The following THSD7A variants were observed in gnomAD, a reference collection of about 807,000 sequenced individuals.
The protein encoded by THSD7A is thrombospondin type-1 domain-containing protein 7A.
Under a neutral mutation model 231.3 loss-of-function variants are expected in THSD7A, and 96 were observed. The observed-to-expected ratio is 0.41, with a 90% confidence interval of 0.35 to 0.49. The LOEUF is 0.49. Ranked by LOEUF, THSD7A falls within the 20% of genes least tolerant of loss-of-function variation. The pLI is 0.05. For synonymous variants in THSD7A, 940 were observed against 743.3 expected (o/e 1.26, Z -4.30); for missense variants, 2,290 against 2,070.2 (o/e 1.11, Z -2.06).
At chr7:11,510,667 C>T (rs1018607383) in intron 6 of THSD7A, among the ~76,000 whole-genome samples, 1 of 152,156 alleles carries the variant, frequency 6.6e-6, no homozygotes, top group African/African-American at 2.4e-5. Context: ...GAACTAAAGA[C>T]AAAAACCACA....
intron 1 of THSD7A, among the ~76,000 whole-genome samples, chr7:11,790,884 AT>A (rs1783932022): frequency 6.6e-6 from 1 of 151,904 alleles, no homozygotes; most frequent in African/African-American, 2.4e-5. Flanking sequence ...TAAAATAAAC[AT>A]TTTTTCACTT....
intron 1 of THSD7A, among the ~76,000 whole-genome samples, chr7:11,768,146 G>C (rs971596161): frequency 9.2e-5 from 14 of 152,078 alleles, no homozygotes; most frequent in Non-Finnish European, 1.3e-4. Context: ...TACTTGGCAG[G>C]ACTATTCAGT....
At chr7:11,576,547 T>C (rs897158395) in intron 4 of THSD7A, among the ~76,000 whole-genome samples, 3 of 152,180 alleles carry the variant, frequency 2.0e-5, no homozygotes, top group Non-Finnish European at 2.9e-5. Flanking sequence ...TAATGTCAAG[T>C]GTGGGATAGA....
At position 11,411,197 on chromosome 7, in the gene THSD7A, A is replaced by G. The variant is rs189992909; in HGVS notation, c.3798+10T>C. 584 of 1,598,994 alleles carry G rather than the reference A, an allele frequency of 3.7e-4. No homozygotes were observed. The highest frequency in any genetic ancestry group is 7.2e-4 in the Admixed American group (43 of 59,768). ...TTTACTCGCGAAGATATAACACAGC[A>G]TCCACCTACCGCTTCACAATATTTC... On this transcript the variant is annotated intron_variant, in intron 19 of 27. Coordinates refer to ENST00000423059, the MANE Select transcript of THSD7A (RefSeq NM_015204.3). This position sits in a 1 kb window ranked among gnomAD's most constrained non-coding sequence, Gnocchi z 4.1.
rs17164831 is a variant in THSD7A, at chr7:11,584,375, C to A, written c.1453+6085G>T. Among the ~76,000 whole-genome samples, 703 of 152,096 alleles carry A rather than the reference C, an allele frequency of 4.6e-3. 6 individuals are homozygous for A. The highest frequency in any genetic ancestry group is 0.016 in the African/African-American group (668 of 41,506). On this transcript the variant is annotated intron_variant, in intron 4 of 27. Transcript: ENST00000423059. Reference sequence around the variant, plus strand: ...AATATGTATTTTTACTTCATAATTACTCTTAAATTTTTAACATGCATAATG... The same window carrying A: ...AATATGTATTTTTACTTCATAATTAATCTTAAATTTTTAACATGCATAATG...
intron 2 of THSD7A, among the ~76,000 whole-genome samples, chr7:11,614,088 T>C (rs1252497166): frequency 2.0e-5 from 3 of 152,090 alleles, no homozygotes; most frequent in Admixed American, 1.3e-4. Flanking sequence ...ATTAGTGAAG[T>C]TGGGATGTTT....
intron 7 of THSD7A, among the ~76,000 whole-genome samples, chr7:11,480,016 T>G (rs1786356919): frequency 6.6e-6 from 1 of 152,204 alleles, no homozygotes; most frequent in Non-Finnish European, 1.5e-5. Context: ...CATATATTGA[T>G]ACATCACACT....
chr7:11,441,709 C>T (rs1458115485), intron 13 of THSD7A, among the ~76,000 whole-genome samples: 1 of 151,976 alleles, frequency 6.6e-6, no homozygotes, highest in Admixed American at 6.6e-5. Context: ...AAGCATCATC[C>T]TCAGCAAACT....
chr7:11,536,566 A>G lies in THSD7A; in HGVS notation c.1822+4853T>C, dbSNP rs528378321. Among the ~76,000 whole-genome samples, 42 of 152,284 alleles carry G rather than the reference A, an allele frequency of 2.8e-4. No homozygotes were observed. The South Asian group carries it at 8.5e-3, about 31-fold the overall frequency. The stretch of plus-strand genomic sequence containing the variant: ...TTGCATACTATTGTTTTAATAAGTC[A>G]TGGTTATAGGTACAACTGTATGGTG... On this transcript the variant is annotated intron_variant, in intron 6 of 27. Coordinates refer to ENST00000423059, the MANE Select transcript of THSD7A (RefSeq NM_015204.3).
intron 1 of THSD7A, among the ~76,000 whole-genome samples, chr7:11,733,155 G>T: frequency 6.6e-6 from 1 of 151,850 alleles, no homozygotes; most frequent in East Asian, 2.0e-4. Context: ...GTCCTGTCCT[G>T]TAATAAAAAT....
chr7:11,557,984 G>A (rs1789919735), intron 4 of THSD7A, among the ~76,000 whole-genome samples: 1 of 152,106 alleles, frequency 6.6e-6, no homozygotes, highest in Non-Finnish European at 1.5e-5. Flanking sequence ...GGGTAGAGTG[G>A]TTATTGTCTA....
intron 13 of THSD7A, among the ~76,000 whole-genome samples, chr7:11,443,428 C>T (rs1261202603): frequency 6.6e-6 from 1 of 151,942 alleles, no homozygotes; most frequent in East Asian, 1.9e-4. Flanking sequence ...TATTCAATTA[C>T]TCTTTGAGAT....
chr7:11,695,693 G>T (rs889580745), intron 1 of THSD7A, among the ~76,000 whole-genome samples: 4 of 151,658 alleles, frequency 2.6e-5, no homozygotes, highest in Non-Finnish European at 5.9e-5. Flanking sequence ...TTGGTCCAAA[G>T]ATAGTAGGTT....
At chr7:11,454,892 G>C (rs1303314306) in intron 11 of THSD7A, among the ~76,000 whole-genome samples, 1 of 151,916 alleles carries the variant, frequency 6.6e-6, no homozygotes, top group African/African-American at 2.4e-5. Flanking sequence ...CAAACATATA[G>C]CTCTGTACAC....
chr7:11,574,237 C>T (rs913165327), intron 4 of THSD7A, among the ~76,000 whole-genome samples: 7 of 132,950 alleles, frequency 5.3e-5, no homozygotes, highest in African/African-American at 8.5e-5. Flanking sequence ...TTGATATTTT[C>T]TTATTTATTT....
rs114570018 is a variant in THSD7A at position 11,407,731 on chromosome 7, A to C, written c.3799-308T>G. 9.3e-3 allele frequency among the ~76,000 whole-genome samples: 1,414 copies of C among 152,346 alleles called. 28 individuals carry two copies. The highest frequency in any genetic ancestry group is 0.032 in the African/African-American group (1,339 of 41,578). Reference sequence around the variant, plus strand: ...CAAATTGGTTGAATTTCCCTAAATGAGGAACAAGTAAATATAAGCATAAAT... The same window carrying C: ...CAAATTGGTTGAATTTCCCTAAATGCGGAACAAGTAAATATAAGCATAAAT... On this transcript the variant is annotated intron_variant, in intron 19 of 27. Coordinates refer to ENST00000423059, the MANE Select transcript of THSD7A (RefSeq NM_015204.3).
chr7:11,770,060 T>C (rs955717024), intron 1 of THSD7A, among the ~76,000 whole-genome samples: 1 of 152,144 alleles, frequency 6.6e-6, no homozygotes, highest in African/African-American at 2.4e-5. Context: ...TTATTTTACC[T>C]ATTGCATTGA....
intron 1 of THSD7A, among the ~76,000 whole-genome samples, chr7:11,752,298 T>C (rs1448299697): frequency 6.6e-6 from 1 of 152,070 alleles, no homozygotes; most frequent in African/African-American, 2.4e-5. Flanking sequence ...TGCCTCAGTA[T>C]TTTTCCATGC....
At chr7:11,799,799 A>G (rs1784227475) in intron 1 of THSD7A, among the ~76,000 whole-genome samples, 1 of 152,218 alleles carries the variant, frequency 6.6e-6, no homozygotes, top group Admixed American at 6.5e-5. Flanking sequence ...ACAATATAGG[A>G]AGAATTTTGT....
Sources: allele counts gnomAD v4.1 joint callset (sites outside exome capture counted in the v4.1 genomes callset), GRCh38; gene constraint gnomAD v4.1.1; non-coding constraint Gnocchi (gnomAD v3.1); transcripts MANE v1.5; gene names NCBI Gene and HGNC (gene_info 2026-07-23, HGNC 2026-07-21).